Variants in TRDMT1 observed in about 807,000 individuals in gnomAD.
TRDMT1 encodes tRNA (cytosine(38)-C(5))-methyltransferase.
A neutral mutation model predicts 51.2 loss-of-function variants in TRDMT1; 49 were observed. The observed-to-expected ratio is 0.96, with a 90% CI of 0.76 to 1.21. TRDMT1 has a LOEUF of 1.21. Among genes scored for constraint, TRDMT1 ranks in the 50% most tolerant of loss-of-function variants. The pLI is 0.00. For synonymous variants in TRDMT1, 187 were observed against 164.6 expected, an observed-to-expected ratio of 1.14 and a Z score of -1.04; for missense variants, 534 against 462.3, an observed-to-expected ratio of 1.16 and a Z score of -1.42.
At chr10:17,189,269 G>A (rs377672194) in intron 1 of TRDMT1, among the ~76,000 whole-genome samples, 1 of 152,150 alleles carries the variant, frequency 6.6e-6, no homozygotes, top group East Asian at 1.9e-4. Context: ...TAAAATACTG[G>A]GATCACAAGC....
intron 1 of TRDMT1, among the ~76,000 whole-genome samples, chr10:17,178,952 A>G (rs1206333087): frequency 6.6e-6 from 1 of 152,146 alleles, no homozygotes; most frequent in African/African-American, 2.4e-5. Flanking sequence ...CCTTGACACT[A>G]TATCTTAGGA....
intron 1 of TRDMT1, among the ~76,000 whole-genome samples, chr10:17,192,925 T>C (rs1034658549): frequency 2.0e-5 from 3 of 152,168 alleles, no homozygotes; most frequent in South Asian, 2.1e-4. Flanking sequence ...AGAGCATCTA[T>C]GACAAGCCCA....
chr10:17,175,002 T>C (rs1842458017), intron 1 of TRDMT1, among the ~76,000 whole-genome samples: 1 of 152,228 alleles, frequency 6.6e-6, no homozygotes, highest in Admixed American at 6.5e-5. Flanking sequence ...AATTGAAAAG[T>C]GAGATATATT....
chr10:17,174,536 AT>A lies in TRDMT1; in HGVS notation c.174+14del. 3 of 1,547,426 alleles carry A rather than the reference AT, an allele frequency of 1.9e-6. No homozygotes were observed. The highest frequency in any genetic ancestry group is 2.7e-6 in the Non-Finnish European group (3 of 1,119,628). On this transcript the variant is annotated intron_variant, in intron 2 of 10. Coordinates refer to ENST00000377799, the MANE Select transcript of TRDMT1 (RefSeq NM_004412.7). Reference sequence around the variant, plus strand: ...CCCTTGCTACATACTTATTAAAACAATGACAATTACTCACTTCAATCGTCTT... The same window carrying A: ...CCCTTGCTACATACTTATTAAAACAAGACAATTACTCACTTCAATCGTCTT...
At position 17,137,937 on chromosome 10, in the gene TRDMT1, G is replaced by A. The variant is rs1408589337; in HGVS notation, c.*11103C>T. Among the ~76,000 whole-genome samples, 1 of 152,180 alleles carries A rather than the reference G, an allele frequency of 6.6e-6. No homozygotes were observed. The highest frequency in any genetic ancestry group is 2.4e-5 in the African/African-American group (1 of 41,438). On this transcript the variant is annotated 3_prime_UTR_variant, in exon 11 of 11. Coordinates refer to ENST00000377799, the MANE Select transcript of TRDMT1 (RefSeq NM_004412.7). The stretch of plus-strand genomic sequence containing the variant: ...CATCGACAGAAGGCCTTAAGTGGCA[G>A]GTTAAAGAATGTTGATTTAATCTTT...
chr10:17,174,434 T>G (rs1842400841), intron 2 of TRDMT1, 117 bp downstream of exon 2: 2 of 644,114 alleles, frequency 3.1e-6, no homozygotes, highest in Non-Finnish European at 5.2e-6. Flanking sequence ...TCTCCTGAAC[T>G]CTTAAATTTA....
intron 1 of TRDMT1, among the ~76,000 whole-genome samples, chr10:17,190,626 A>T (rs1301371752): frequency 2.0e-5 from 3 of 152,238 alleles, no homozygotes; most frequent in Non-Finnish European, 4.4e-5. Flanking sequence ...TTTGTTATCT[A>T]TTAAAATCTC....
intron 1 of TRDMT1, among the ~76,000 whole-genome samples, chr10:17,182,105 A>G (rs1564325127): frequency 6.6e-6 from 1 of 152,226 alleles, no homozygotes; most frequent in African/African-American, 2.4e-5. Flanking sequence ...TTTCTTGTGT[A>G]ACTATTAATA....
rs778397481 is a variant in TRDMT1 at position 17,201,604 on chromosome 10, T to G, written c.31A>C (p.Ser11Arg). ...GCGTGGTGCATGCCGCCCACGCCGC[T>G]GTATAGCTCCAGCACCCGCAGGGGC... MEPLRVLELY[S>R]GVGGMHHALR... The change falls in exon 1 of 11, where the codon AGC (serine) becomes CGC (arginine). Residue 11 changes from serine (S) to arginine (R), a missense_variant. Physicochemically the swap from Ser to Arg is moderately radical, Grantham distance 110. Transcript: ENST00000377799. The G allele has an allele frequency of 6.5e-7, 1 of 1,548,216 alleles. No homozygotes were observed. The highest frequency in any genetic ancestry group is 8.7e-7 in the Non-Finnish European group (1 of 1,145,744).
In TRDMT1 at chr10:17,148,056, T is replaced by C. The variant is rs1838273233; in HGVS notation, c.*984A>G. 2.0e-6 allele frequency: 2 copies of C among 985,246 alleles called. No homozygotes were observed. Among genetic ancestry groups the C allele is most frequent in the African/African-American group, 3.5e-5 (2 of 57,254 alleles). 61.0% of individuals were successfully genotyped at this position (985,246 alleles called of 1,614,324 possible). A position where few individuals can be genotyped will look rare whatever the true frequency, so the allele number is the denominator to read the frequency against. On this transcript the variant is annotated 3_prime_UTR_variant, in exon 11 of 11. Coordinates refer to ENST00000377799, the MANE Select transcript of TRDMT1 (RefSeq NM_004412.7). ...TTTTCATCTCTCTTCTCTTTGTCACTTGCTTTTATCACAAACCATAGAATT... is the reference window on the plus strand; with the variant it reads ...TTTTCATCTCTCTTCTCTTTGTCACCTGCTTTTATCACAAACCATAGAATT...
chr10:17,196,628 G>A (rs1418735077), intron 1 of TRDMT1, among the ~76,000 whole-genome samples: 4 of 152,220 alleles, frequency 2.6e-5, no homozygotes, highest in African/African-American at 9.6e-5. Context: ...GGTCAAATAT[G>A]TATTTAAAAA....
chr10:17,166,737 C>T (rs926176229), intron 3 of TRDMT1, among the ~76,000 whole-genome samples: 2 of 152,190 alleles, frequency 1.3e-5, no homozygotes, highest in Non-Finnish European at 2.9e-5. Context: ...GAATCAGTTA[C>T]TCCTGCCATC....
intron 10 of TRDMT1, chr10:17,150,274 C>G (rs1251274443): frequency 2.0e-6 from 1 of 496,396 alleles, no homozygotes; most frequent in Non-Finnish European, 2.6e-6. Context: ...TTTATCTATT[C>G]CTTTTGGAGA....
rs1650966883 is a variant in TRDMT1 at position 17,157,590 on chromosome 10, ACT to A, written c.736_737del (p.Ser246Ter). On this transcript the variant is annotated frameshift_variant, in exon 8 of 11. Coordinates refer to ENST00000377799, the MANE Select transcript of TRDMT1 (RefSeq NM_004412.7). LOFTEE classifies it high-confidence loss of function. ...EEIHRKNQQD[S>X]DLSVKMLKDF... ...CTTTTAGCATTTTCACAGAGAGATC[ACT>A]ATCTTGTTGATTTTTCCTGTGAATT... is the stretch of plus-strand genomic sequence containing the variant. 8 of 1,614,032 alleles carry A rather than the reference ACT, an allele frequency of 5.0e-6. No homozygotes were observed. Among genetic ancestry groups the A allele is most frequent in the Non-Finnish European group, 6.8e-6 (8 of 1,179,948 alleles).
chr10:17,157,352 C>T (rs1839665849), intron 8 of TRDMT1, 89 bp downstream of exon 8: 7 of 1,232,418 alleles, frequency 5.7e-6, no homozygotes, highest in African/African-American at 1.5e-5. Flanking sequence ...TTATAAAATG[C>T]TCCTTGTTTT....
At chr10:17,162,317 T>C in intron 3 of TRDMT1, 80 bp from the exon 4 acceptor site, 1 of 1,337,206 alleles carries the variant, frequency 7.5e-7, no homozygotes, top group Non-Finnish European at 1.0e-6. Flanking sequence ...GTCAAATCAC[T>C]TTTTAAGTCA....
At chr10:17,153,978 A>C (rs1839147279) in intron 9 of TRDMT1, among the ~76,000 whole-genome samples, 1 of 152,198 alleles carries the variant, frequency 6.6e-6, no homozygotes, top group Non-Finnish European at 1.5e-5. Context: ...CAACAAAGTC[A>C]ATTTTACAAT....
intron 2 of TRDMT1, among the ~76,000 whole-genome samples, chr10:17,172,436 C>T (rs61841795): frequency 0.14 from 20,838 of 151,938 alleles, 1,523 homozygotes; most frequent in Admixed American, 0.17. Flanking sequence ...TATGGGAGGA[C>T]CAGTTGAGCC....
chr10:17,146,057 C>T lies in TRDMT1; in HGVS notation c.*2983G>A, dbSNP rs1339729220. The T allele has an allele frequency of 1.0e-6, 1 of 985,288 alleles. No individual in the cohort carries two copies. Among genetic ancestry groups the T allele is most frequent in the African/African-American group, 1.7e-5 (1 of 57,238 alleles). The allele number at this position is 985,288 out of a possible 1,614,324, so 61.0% of individuals were successfully genotyped here. A position where few individuals can be genotyped will look rare whatever the true frequency, so the allele number is the denominator to read the frequency against. On this transcript the variant is annotated 3_prime_UTR_variant, in exon 11 of 11. Coordinates refer to ENST00000377799, the MANE Select transcript of TRDMT1 (RefSeq NM_004412.7). The stretch of plus-strand genomic sequence containing the variant: ...GCCTGCACTCATCTCTAACCCCATC[C>T]AATTTTACATCCCACATGGTAGCAA...
Sources: allele counts gnomAD v4.1 joint callset (sites outside exome capture counted in the v4.1 genomes callset), GRCh38; gene constraint gnomAD v4.1.1; transcripts MANE v1.5; gene names NCBI Gene and HGNC (gene_info 2026-07-23, HGNC 2026-07-21).